CSMD1: variants seen among roughly 807,000 people sequenced by gnomAD.
The protein encoded by CSMD1 is CUB and Sushi multiple domains 1.
A neutral mutation model predicts 417.5 loss-of-function variants in CSMD1; 213 were observed. The observed-to-expected ratio is 0.51, with a 90% confidence interval of 0.46 to 0.57. The LOEUF (loss-of-function observed/expected upper bound fraction) is 0.57, where lower values mean the gene tolerates loss of function less well. Ranked by LOEUF, CSMD1 falls within the 20% of genes least tolerant of loss-of-function variation. The pLI, the probability that CSMD1 is intolerant of heterozygous loss-of-function variation, is 0.00. For missense variants in CSMD1, 6,923 were observed against 4,529.7 expected (o/e 1.53, Z -15.17); for synonymous variants, 2,862 against 1,736.8 (o/e 1.65, Z -16.11).
intron 54 of CSMD1, among the ~76,000 whole-genome samples, chr8:2,984,423 A>C (rs1366565490): frequency 1.3e-5 from 2 of 151,072 alleles, no homozygotes; most frequent in African/African-American, 4.9e-5. Flanking sequence ...ATCTTGGCTC[A>C]CTGCAACCTC....
In CSMD1 at chr8:3,212,511, G is replaced by C. The variant is rs550914921; in HGVS notation, c.4867+1986C>G. Among the ~76,000 whole-genome samples the C allele has an allele frequency of 6.6e-5, 10 of 152,178 alleles. No homozygotes were observed. The South Asian group carries it at 2.1e-3, about 32-fold the overall frequency. On this transcript the variant is annotated intron_variant, in intron 30 of 69. Transcript: ENST00000635120. ...CTACAGGCATGAGCCACCACATCCA[G>C]CTAAGTTTTGTATTGTGTTTTTGGT... is the stretch of plus-strand genomic sequence containing the variant.
chr8:4,202,951 G>C (rs938925807), intron 3 of CSMD1, among the ~76,000 whole-genome samples: 11 of 152,120 alleles, frequency 7.2e-5, no homozygotes, highest in African/African-American at 2.2e-4. Flanking sequence ...TCTTTTTGCA[G>C]TTGTGGGAGG....
chr8:4,949,397 A>T (rs140864554), intron 1 of CSMD1, among the ~76,000 whole-genome samples: 144 of 152,302 alleles, frequency 9.5e-4, no homozygotes, highest in African/African-American at 3.2e-3. Context: ...TACCTTCAAC[A>T]TGTGGTGAAA....
intron 12 of CSMD1, among the ~76,000 whole-genome samples, chr8:3,453,957 G>T (rs935050871): frequency 6.6e-6 from 1 of 152,118 alleles, no homozygotes; most frequent in South Asian, 2.1e-4. Context: ...AAGTCTCTTT[G>T]TAGGTCTCTA....
At chr8:3,134,788 A>G (rs1354088445) in intron 41 of CSMD1, among the ~76,000 whole-genome samples, 1 of 152,130 alleles carries the variant, frequency 6.6e-6, no homozygotes. Flanking sequence ...GCAGCTGTGC[A>G]CATTTTCACA....
intron 10 of CSMD1, among the ~76,000 whole-genome samples, chr8:3,504,632 T>C (rs563920249): frequency 2.6e-5 from 4 of 152,364 alleles, no homozygotes; most frequent in African/African-American, 7.2e-5. Flanking sequence ...GTCTTCTCTC[T>C]GACTCTGCAA....
intron 3 of CSMD1, among the ~76,000 whole-genome samples, chr8:4,175,142 C>G (rs184417869): frequency 6.6e-6 from 1 of 151,938 alleles, no homozygotes; most frequent in Non-Finnish European, 1.5e-5. Flanking sequence ...TGTAAGACCT[C>G]GACCATCAAG....
chr8:4,433,613 G>C (rs956183704), intron 2 of CSMD1, among the ~76,000 whole-genome samples: 5 of 152,110 alleles, frequency 3.3e-5, no homozygotes, highest in African/African-American at 1.2e-4. Flanking sequence ...CGACAAATTT[G>C]ATAAAGCCAG....
At chr8:4,281,328 G>A (rs1307863562) in intron 3 of CSMD1, among the ~76,000 whole-genome samples, 1 of 152,196 alleles carries the variant, frequency 6.6e-6, no homozygotes, top group African/African-American at 2.4e-5. Context: ...GAGAACAGGT[G>A]GTCCCAGGCC....
At chr8:4,238,127 G>A (rs1802177375) in intron 3 of CSMD1, among the ~76,000 whole-genome samples, 1 of 152,106 alleles carries the variant, frequency 6.6e-6, no homozygotes, top group South Asian at 2.1e-4. Flanking sequence ...TCTGCCCCTG[G>A]CCTAAAAATG....
At chr8:3,584,452 T>C (rs116291387) in intron 9 of CSMD1, among the ~76,000 whole-genome samples, 178 of 152,216 alleles carry the variant, frequency 1.2e-3, no homozygotes, top group African/African-American at 3.9e-3. Context: ...TAAGCGTGAG[T>C]AGCTGGGGGG....
At chr8:4,165,998 G>T (rs527405189) in intron 3 of CSMD1, among the ~76,000 whole-genome samples, 4 of 152,270 alleles carry the variant, frequency 2.6e-5, no homozygotes, top group Admixed American at 2.0e-4. Context: ...TTGCAATTAT[G>T]GGACTGTACA....
chr8:3,254,820 C>T (rs951908137), intron 26 of CSMD1, among the ~76,000 whole-genome samples: 1 of 152,096 alleles, frequency 6.6e-6, no homozygotes, highest in Non-Finnish European at 1.5e-5. Flanking sequence ...GTTCAAACTT[C>T]CTCCTTTAGC....
intron 7 of CSMD1, among the ~76,000 whole-genome samples, chr8:3,704,525 A>G (rs1454297330): frequency 6.6e-6 from 1 of 152,226 alleles, no homozygotes; most frequent in Non-Finnish European, 1.5e-5. Flanking sequence ...AAGTGACTCA[A>G]ACAGCTAGAG....
Position 4,394,807 on chromosome 8 carries a change from G to C in CSMD1, c.415+25146C>G, listed in dbSNP as rs190659495. On this transcript the variant is annotated intron_variant, in intron 3 of 69. Transcript: ENST00000635120. The stretch of plus-strand genomic sequence containing the variant: ...TGCAGCCTCACCTTAGTTTTCAGCT[G>C]ACTTTAAATTTCTGGATTTTTTCAT... Among the ~76,000 whole-genome samples, 3 of 152,226 alleles carry C rather than the reference G, an allele frequency of 2.0e-5. No individual in the cohort carries two copies. The East Asian group carries it at 5.8e-4, about 29-fold the overall frequency.
intron 2 of CSMD1, among the ~76,000 whole-genome samples, chr8:4,522,592 G>C (rs1440581304): frequency 6.6e-6 from 1 of 152,142 alleles, no homozygotes; most frequent in Non-Finnish European, 1.5e-5. Context: ...CCTGTCTTTT[G>C]ATAAGAGACA....
intron 5 of CSMD1, among the ~76,000 whole-genome samples, chr8:3,863,659 A>G (rs74762497): frequency 3.9e-5 from 6 of 151,932 alleles, no homozygotes; most frequent in Non-Finnish European, 8.8e-5. Context: ...ATATTCTAAC[A>G]CACACACACA....
chr8:3,535,366 G>C (rs1024547714), intron 10 of CSMD1, among the ~76,000 whole-genome samples: 1 of 152,104 alleles, frequency 6.6e-6, no homozygotes, highest in Non-Finnish European at 1.5e-5. Flanking sequence ...TGAGTCCAGA[G>C]GACAGAAATG....
At chr8:3,304,939 C>G (rs1483545918) in intron 25 of CSMD1, among the ~76,000 whole-genome samples, 4 of 151,890 alleles carry the variant, frequency 2.6e-5, no homozygotes, top group African/African-American at 9.7e-5. Flanking sequence ...ATTCCATTAG[C>G]ATAGATGATT....
Sources: allele counts gnomAD v4.1 joint callset (sites outside exome capture counted in the v4.1 genomes callset), GRCh38; gene constraint gnomAD v4.1.1; transcripts MANE v1.5; gene names NCBI Gene and HGNC (gene_info 2026-07-23, HGNC 2026-07-21).